Variants in CCDC149 observed in about 807,000 individuals in gnomAD.
CCDC149 encodes the protein coiled-coil domain containing 149.
Under a neutral mutation model 59.9 loss-of-function variants are expected in CCDC149, and 45 were observed. The ratio of observed to expected loss-of-function variants is 0.75; its 90% CI spans 0.59 to 0.96. The LOEUF is 0.96. Among genes scored for constraint, CCDC149 ranks in the 40% least tolerant of loss-of-function variants. The pLI, the probability that CCDC149 is intolerant of heterozygous loss-of-function variation, is 0.00. For synonymous variants in CCDC149, 245 were observed against 260.6 expected (o/e 0.94, Z 0.58); for missense variants, 584 against 664.7 (o/e 0.88, Z 1.33).
At chr4:24,971,564 G>T (rs1014447000) in intron 1 of CCDC149, among the ~76,000 whole-genome samples, 1 of 152,220 alleles carries the variant, frequency 6.6e-6, no homozygotes, top group East Asian at 1.9e-4. Flanking sequence ...CCCTGCTAAT[G>T]CTGTACGTTC....
intron 2 of CCDC149, among the ~76,000 whole-genome samples, chr4:24,874,595 A>AC (rs1719295149): frequency 6.6e-6 from 1 of 151,974 alleles, no homozygotes. Context: ...CACACACACA[A>AC]AAAAAGGATC....
At chr4:24,927,833 CT>C (rs1471839203) in intron 1 of CCDC149, among the ~76,000 whole-genome samples, 1 of 151,762 alleles carries the variant, frequency 6.6e-6, no homozygotes, top group East Asian at 1.9e-4. Context: ...TTCCTTAGAT[CT>C]TTACAGGGGA....
intron 12 of CCDC149, among the ~76,000 whole-genome samples, chr4:24,811,325 T>C (rs913669284): frequency 5.3e-5 from 8 of 152,118 alleles, no homozygotes; most frequent in African/African-American, 9.7e-5. Flanking sequence ...CAGAGCTGAT[T>C]CATATCTTCG....
chr4:24,858,660 C>T (rs140471286), intron 3 of CCDC149, among the ~76,000 whole-genome samples: 163 of 152,328 alleles, frequency 1.1e-3, no homozygotes, highest in African/African-American at 3.8e-3. Flanking sequence ...AGGAACAACT[C>T]AATCCCCAAT....
intron 1 of CCDC149, among the ~76,000 whole-genome samples, chr4:24,894,442 A>C (rs1720726786): frequency 6.6e-6 from 1 of 152,264 alleles, no homozygotes. Flanking sequence ...GCTGTTCAGC[A>C]CTGAGTGGGA....
chr4:24,960,960 G>C (rs1471066317), intron 1 of CCDC149, among the ~76,000 whole-genome samples: 1 of 152,202 alleles, frequency 6.6e-6, no homozygotes, highest in Non-Finnish European at 1.5e-5. Flanking sequence ...AGACAAGAGA[G>C]TTTCCCAGAA....
intron 3 of CCDC149, among the ~76,000 whole-genome samples, chr4:24,856,158 G>A (rs1471613957): frequency 3.6e-5 from 2 of 55,954 alleles, no homozygotes; most frequent in African/African-American, 6.2e-5. Context: ...TGCAGCGAAG[G>A]CCTCTCCTTG....
At chr4:24,816,149 G>A (rs800450) in intron 12 of CCDC149, among the ~76,000 whole-genome samples, 83,995 of 151,394 alleles carry the variant, frequency 0.55, 23,747 homozygotes, top group South Asian at 0.62. Flanking sequence ...GTGCAGTGCC[G>A]CGATCACAGC....
intron 1 of CCDC149, among the ~76,000 whole-genome samples, chr4:24,881,161 C>T (rs568978689): frequency 2.0e-5 from 3 of 152,288 alleles, no homozygotes; most frequent in African/African-American, 7.2e-5. Context: ...ACTGAAGCTG[C>T]GTTTGTAGCA....
intron 12 of CCDC149, among the ~76,000 whole-genome samples, chr4:24,817,962 G>A (rs1715123710): frequency 6.6e-6 from 1 of 152,048 alleles, no homozygotes; most frequent in Admixed American, 6.6e-5. Flanking sequence ...GAGCCACTTT[G>A]GATTTTTGAG....
At chr4:24,817,083 A>G (rs983749492) in intron 12 of CCDC149, among the ~76,000 whole-genome samples, 5 of 151,942 alleles carry the variant, frequency 3.3e-5, no homozygotes, top group African/African-American at 1.2e-4. Context: ...TAATGATGCA[A>G]CTCTGGAAGC....
At position 24,827,621 on chromosome 4, in the gene CCDC149, T is replaced by C. The variant is rs193088196; in HGVS notation, c.965+3885A>G. Reference sequence around the variant, plus strand: ...CGGTTTGAAAGATAAATGAACCTCATATCCGTTCTTTCTCGATCACCAGGC... The same window carrying C: ...CGGTTTGAAAGATAAATGAACCTCACATCCGTTCTTTCTCGATCACCAGGC... On this transcript the variant is annotated intron_variant, in intron 9 of 12. Coordinates refer to ENST00000635206, the MANE Select transcript of CCDC149 (RefSeq NM_001330643.2). 2.6e-5 allele frequency: 4 copies of C among 152,360 alleles called. No individual in the cohort carries two copies. The East Asian group carries it at 7.7e-4, about 29-fold the overall frequency. 9.4% of individuals were successfully genotyped at this position (152,360 alleles called of 1,614,324 possible). A position where few individuals can be genotyped will look rare whatever the true frequency, so the allele number is the denominator to read the frequency against.
At chr4:24,897,866 C>T (rs1404329573) in intron 1 of CCDC149, among the ~76,000 whole-genome samples, 1 of 152,194 alleles carries the variant, frequency 6.6e-6, no homozygotes, top group Admixed American at 6.5e-5. Context: ...GAGCAGCCTG[C>T]ATGCATGCTG....
Position 24,819,913 on chromosome 4 carries a change from G to C in CCDC149, c.1138C>G (p.Pro380Ala). The stretch of plus-strand genomic sequence containing the variant: ...GGCTGCTCGACAAACTTCAGCAGTG[G>C]GGATCTCGACCTCTGTCCACTAGGA... The change falls in exon 12 of 13, where the codon CCA (proline) becomes GCA (alanine). Residue 380 changes from proline to alanine, a missense_variant. Physicochemically the swap from Pro to Ala is conservative, Grantham distance 27. Coordinates refer to ENST00000635206, the MANE Select transcript of CCDC149 (RefSeq NM_001330643.2). 6.4e-7 allele frequency: 1 copy of C among 1,551,104 alleles called. No homozygotes were observed. Among genetic ancestry groups the C allele is most frequent in the Non-Finnish European group, 8.7e-7 (1 of 1,146,792 alleles).
intron 10 of CCDC149, among the ~76,000 whole-genome samples, 160 bp downstream of exon 10, chr4:24,822,337 T>C (rs1251240446): frequency 6.6e-6 from 1 of 152,020 alleles, no homozygotes; most frequent in Non-Finnish European, 1.5e-5. Flanking sequence ...TTTCTAAATT[T>C]AGAACACTTG....
At chr4:24,890,552 T>C (rs1339890803) in intron 1 of CCDC149, among the ~76,000 whole-genome samples, 1 of 152,212 alleles carries the variant, frequency 6.6e-6, no homozygotes, top group African/African-American at 2.4e-5. Context: ...TCAAAAGAAC[T>C]GAGTCTGTCC....
At chr4:24,903,281 C>T (rs1046486468) in intron 1 of CCDC149, among the ~76,000 whole-genome samples, 11 of 152,032 alleles carry the variant, frequency 7.2e-5, no homozygotes, top group South Asian at 6.2e-4. Flanking sequence ...TCTCCAGTGG[C>T]GCCCTCGACC....
At chr4:24,912,754 C>G (rs1436166334) in intron 1 of CCDC149, 63 bp downstream of exon 1, 2 of 1,142,946 alleles carry the variant, frequency 1.7e-6, no homozygotes, top group East Asian at 8.5e-5. Context: ...TCTGGGGGCG[C>G]GGGCCCGGGG....
intron 4 of CCDC149, among the ~76,000 whole-genome samples, chr4:24,840,013 A>G (rs1716838525): frequency 6.6e-6 from 1 of 152,214 alleles, no homozygotes; most frequent in Non-Finnish European, 1.5e-5. Flanking sequence ...CTTAATTTTC[A>G]GAGTCTCTGA....
Sources: allele counts gnomAD v4.1 joint callset (sites outside exome capture counted in the v4.1 genomes callset), GRCh38; gene constraint gnomAD v4.1.1; transcripts MANE v1.5; gene names NCBI Gene and HGNC (gene_info 2026-07-23, HGNC 2026-07-21).